RBFOX1: variants seen among roughly 807,000 people sequenced by gnomAD.
RBFOX1 encodes RNA binding fox-1 homolog 1.
In RBFOX1, 8 loss-of-function variants were observed where a neutral mutation model predicts 57.7. The observed-to-expected ratio is 0.14, with a 90% CI of 0.08 to 0.25. RBFOX1 has a LOEUF of 0.25. Among genes scored for constraint, RBFOX1 ranks in the 10% least tolerant of loss-of-function variants. The pLI is 1.00. For synonymous variants in RBFOX1, 326 were observed against 222.4 expected (o/e 1.47, Z -4.15); for missense variants, 611 against 548.5 (o/e 1.11, Z -1.14).
At chr16:7,248,850 A>G (rs547220748) in intron 4 of RBFOX1, among the ~76,000 whole-genome samples, 1 of 152,226 alleles carries the variant, frequency 6.6e-6, no homozygotes, top group Non-Finnish European at 1.5e-5. Context: ...ATCTATTTGT[A>G]ATCTGTATGT....
intron 4 of RBFOX1, among the ~76,000 whole-genome samples, chr16:7,399,042 G>C (rs1407689675): frequency 1.3e-5 from 2 of 152,196 alleles, no homozygotes; most frequent in African/African-American, 4.8e-5. Flanking sequence ...AGTGACTGTT[G>C]GGTACTCTGC....
intron 3 of RBFOX1, among the ~76,000 whole-genome samples, chr16:5,640,804 A>G (rs1044476447): frequency 6.6e-6 from 1 of 151,272 alleles, no homozygotes; most frequent in South Asian, 2.1e-4. Flanking sequence ...ACACACATAT[A>G]CACATGCACA....
At chr16:7,336,391 A>G (rs1054731804) in intron 4 of RBFOX1, among the ~76,000 whole-genome samples, 36 of 152,340 alleles carry the variant, frequency 2.4e-4, no homozygotes, top group African/African-American at 7.9e-4. Flanking sequence ...TCACTATTGG[A>G]CAAATCGTTC....
At chr16:7,304,442 G>C in intron 4 of RBFOX1, 1 of 985,368 alleles carries the variant, frequency 1.0e-6, no homozygotes, top group Non-Finnish European at 1.2e-6. Flanking sequence ...GTGGGCATGT[G>C]TCCCCAGCTT....
At chr16:5,547,404 T>C (rs1011825242) in intron 2 of RBFOX1, among the ~76,000 whole-genome samples, 2 of 152,196 alleles carry the variant, frequency 1.3e-5, no homozygotes, top group African/African-American at 4.8e-5. Context: ...CACATGCATA[T>C]AATGGAATAG....
intron 3 of RBFOX1, among the ~76,000 whole-genome samples, chr16:6,806,809 A>AATATATAAATATATAAATATATAT (rs1567330796): frequency 1.4e-5 from 1 of 69,798 alleles, no homozygotes; most frequent in South Asian, 3.8e-4. Context: ...TATATAAATA[A>AATATATAAATATATAAATATATAT]ATATATAAAT....
At chr16:5,868,004 G>GC (rs1173556209) in intron 4 of RBFOX1, among the ~76,000 whole-genome samples, 1 of 151,792 alleles carries the variant, frequency 6.6e-6, no homozygotes, top group Non-Finnish European at 1.5e-5. Flanking sequence ...GAGCCACCAT[G>GC]CCCAGCCTGT....
chr16:6,872,917 G>A (rs188474896), intron 3 of RBFOX1, among the ~76,000 whole-genome samples: 2 of 152,284 alleles, frequency 1.3e-5, no homozygotes, highest in East Asian at 3.9e-4. Flanking sequence ...ATACTTCTCA[G>A]TAACCTCCCT....
chr16:5,431,077 C>T (rs887720737), intron 1 of RBFOX1, among the ~76,000 whole-genome samples: 1 of 152,148 alleles, frequency 6.6e-6, no homozygotes, highest in Non-Finnish European at 1.5e-5. Flanking sequence ...CATTTTGGGA[C>T]TGGAGCCACC....
At chr16:6,835,002 C>G (rs1429817019) in intron 3 of RBFOX1, among the ~76,000 whole-genome samples, 2 of 151,630 alleles carry the variant, frequency 1.3e-5, no homozygotes, top group Non-Finnish European at 2.9e-5. Flanking sequence ...ACGCCATTCT[C>G]CTGCCTCAGC....
chr16:6,684,655 AGT>A (rs1354659994), intron 3 of RBFOX1, among the ~76,000 whole-genome samples: 1 of 152,156 alleles, frequency 6.6e-6, no homozygotes, highest in African/African-American at 2.4e-5. Context: ...CTTCTTTATC[AGT>A]GTCTTAGAAG....
chr16:6,500,126 C>T (rs2095870630), intron 2 of RBFOX1, among the ~76,000 whole-genome samples: 2 of 152,302 alleles, frequency 1.3e-5, no homozygotes, highest in African/African-American at 2.4e-5. Context: ...TGAAAGTCTG[C>T]ATGCTGACAC....
At chr16:6,933,604 T>C (rs1013732076) in intron 3 of RBFOX1, among the ~76,000 whole-genome samples, 1 of 152,168 alleles carries the variant, frequency 6.6e-6, no homozygotes, top group East Asian at 1.9e-4. Flanking sequence ...TCCCAGCTAC[T>C]CCGGAGGCTG....
At chr16:5,841,366 A>G (rs887610561) in intron 3 of RBFOX1, among the ~76,000 whole-genome samples, 1 of 152,062 alleles carries the variant, frequency 6.6e-6, no homozygotes, top group Non-Finnish European at 1.5e-5. Flanking sequence ...TGTAACCCCA[A>G]ACTGCCGATC....
At chr16:6,454,605 A>T (rs961707463) in intron 2 of RBFOX1, among the ~76,000 whole-genome samples, 1 of 152,160 alleles carries the variant, frequency 6.6e-6, no homozygotes, top group African/African-American at 2.4e-5. Flanking sequence ...CACCTTAAAC[A>T]AATAAATGTC....
chr16:6,992,965 T>A (rs896689921), intron 3 of RBFOX1, among the ~76,000 whole-genome samples: 2 of 152,244 alleles, frequency 1.3e-5, no homozygotes, highest in East Asian at 1.9e-4. Context: ...CCCAATTACT[T>A]CTTTGCTTTA....
intron 1 of RBFOX1, among the ~76,000 whole-genome samples, chr16:6,173,909 C>T (rs909688057): frequency 6.6e-6 from 1 of 151,796 alleles, no homozygotes; most frequent in Non-Finnish European, 1.5e-5. Context: ...GTTTTTTTTA[C>T]TAATTATGAG....
intron 1 of RBFOX1, among the ~76,000 whole-genome samples, chr16:5,325,944 A>T (rs995625492): frequency 2.0e-5 from 3 of 152,246 alleles, no homozygotes; most frequent in African/African-American, 7.2e-5. Context: ...GTAAATACCT[A>T]GAAATGGAAA....
intron 4 of RBFOX1, among the ~76,000 whole-genome samples, chr16:7,488,424 A>G (rs549645628): frequency 9.0e-6 from 1 of 111,288 alleles, no homozygotes; most frequent in Admixed American, 1.1e-4. Context: ...CTGCCTGTCT[A>G]TCTGCTATCA....
Sources: gnomAD v4.1 joint callset for allele counts (sites outside exome capture counted in the v4.1 genomes callset) on GRCh38, gnomAD v4.1.1 for gene constraint, MANE v1.5 for transcripts, NCBI Gene and HGNC (gene_info 2026-07-23, HGNC 2026-07-21) for gene names.